The following DLG2 variants were observed in gnomAD, a reference collection of about 807,000 sequenced individuals.
DLG2 encodes discs large MAGUK scaffold protein 2.
Under a neutral mutation model 132.5 loss-of-function variants are expected in DLG2, and 45 were observed. The ratio of observed to expected loss-of-function variants is 0.34; its 90% CI spans 0.27 to 0.44. The LOEUF (loss-of-function observed/expected upper bound fraction) is 0.44, where lower values mean the gene tolerates loss of function less well. Among genes scored for constraint, DLG2 ranks in the 20% least tolerant of loss-of-function variants. The pLI, the probability that DLG2 is intolerant of heterozygous loss-of-function variation, is 1.00. For synonymous variants in DLG2, 424 were observed against 419.6 expected (o/e 1.01, Z -0.13); for missense variants, 1,045 against 1,196.9 (o/e 0.87, Z 1.87).
At chr11:84,711,424 C>A (rs897471072) in intron 6 of DLG2, among the ~76,000 whole-genome samples, 3 of 141,144 alleles carry the variant, frequency 2.1e-5, no homozygotes, top group East Asian at 2.2e-4. Flanking sequence ...CCCCCACCCC[C>A]CACACACATA....
chr11:84,742,627 C>T (rs6592196), intron 6 of DLG2, among the ~76,000 whole-genome samples: 93,393 of 152,034 alleles, frequency 0.61, 29,127 homozygotes, highest in Middle Eastern at 0.68. Flanking sequence ...TTTGCTACAA[C>T]TGATGAACCT....
At chr11:84,819,361 TGCATGTCA>T (rs1236983070) in intron 6 of DLG2, among the ~76,000 whole-genome samples, 2 of 151,928 alleles carry the variant, frequency 1.3e-5, no homozygotes, top group African/African-American at 4.8e-5. Flanking sequence ...GGACTTCCAG[TGCATGTCA>T]GCAGTGGTTT....
intron 6 of DLG2, among the ~76,000 whole-genome samples, chr11:84,759,386 A>T (rs1409266446): frequency 6.6e-6 from 1 of 152,210 alleles, no homozygotes; most frequent in African/African-American, 2.4e-5. Flanking sequence ...CTGCACTGGA[A>T]CTGTTAGCTT....
chr11:83,816,763 G>A (rs1049206134), intron 17 of DLG2, among the ~76,000 whole-genome samples: 2 of 152,072 alleles, frequency 1.3e-5, no homozygotes, highest in African/African-American at 2.4e-5. Context: ...GATGTTCAAC[G>A]TTTGCTTTCA....
chr11:84,535,841 T>C (rs554102442), intron 6 of DLG2, among the ~76,000 whole-genome samples: 5 of 152,258 alleles, frequency 3.3e-5, no homozygotes, highest in African/African-American at 1.2e-4. Flanking sequence ...CACAGGGATA[T>C]TGGGAACAGG....
chr11:84,663,664 C>T (rs1166558073), intron 6 of DLG2, among the ~76,000 whole-genome samples: 1 of 152,048 alleles, frequency 6.6e-6, no homozygotes, highest in Non-Finnish European at 1.5e-5. Flanking sequence ...TTATATATTA[C>T]CTTTCACTTT....
intron 6 of DLG2, among the ~76,000 whole-genome samples, chr11:85,026,271 C>T (rs1566677712): frequency 6.6e-6 from 1 of 151,840 alleles, no homozygotes; most frequent in Admixed American, 6.6e-5. Context: ...AAGTAAAGAA[C>T]ATATTAGAAA....
intron 3 of DLG2, among the ~76,000 whole-genome samples, chr11:85,353,141 G>GA (rs1367640216): frequency 6.6e-6 from 1 of 151,900 alleles, no homozygotes; most frequent in Non-Finnish European, 1.5e-5. Flanking sequence ...AAATTTACAA[G>GA]AAAAAAACAA....
intron 18 of DLG2, among the ~76,000 whole-genome samples, chr11:83,769,452 A>C (rs1341178841): frequency 6.6e-6 from 1 of 152,126 alleles, no homozygotes; most frequent in Admixed American, 6.6e-5. Flanking sequence ...CTGAGGGAGA[A>C]AGGCAACAAC....
chr11:83,753,853 CATATATATATTTCATAT>C (rs2093500338), intron 18 of DLG2, among the ~76,000 whole-genome samples: 1 of 8,924 alleles, frequency 1.1e-4, no homozygotes, highest in African/African-American at 3.4e-4. Context: ...TCATATATAT[CATATATATATTTCATAT>C]ATATGATATA....
intron 6 of DLG2, among the ~76,000 whole-genome samples, chr11:84,741,134 T>A (rs2064589126): frequency 7.2e-6 from 1 of 138,566 alleles, no homozygotes; most frequent in South Asian, 2.5e-4. Flanking sequence ...TGGCGCGATC[T>A]CCGCTCACTG....
intron 6 of DLG2, among the ~76,000 whole-genome samples, chr11:84,863,933 T>G (rs563653433): frequency 7.2e-5 from 11 of 152,272 alleles, no homozygotes; most frequent in African/African-American, 2.4e-4. Context: ...TTTGAGTTTT[T>G]AAAAAAATAC....
chr11:84,813,404 G>A (rs1483467707), intron 6 of DLG2, among the ~76,000 whole-genome samples: 1 of 152,106 alleles, frequency 6.6e-6, no homozygotes, highest in Non-Finnish European at 1.5e-5. Flanking sequence ...GTACAGAGAA[G>A]ATGATTAACA....
intron 6 of DLG2, among the ~76,000 whole-genome samples, chr11:84,918,374 G>A (rs923657585): frequency 1.4e-4 from 21 of 152,092 alleles, no homozygotes; most frequent in Non-Finnish European, 5.9e-5. Flanking sequence ...TAAAGCACTG[G>A]AGTTAGTGTG....
chr11:85,510,321 A>C (rs541368593), intron 3 of DLG2, among the ~76,000 whole-genome samples: 1 of 152,222 alleles, frequency 6.6e-6, no homozygotes, highest in Admixed American at 6.5e-5. Flanking sequence ...CAAGGACTTC[A>C]TGTACAAAAC....
chr11:83,752,064 C>G (rs950527764), intron 18 of DLG2, among the ~76,000 whole-genome samples: 1 of 152,080 alleles, frequency 6.6e-6, no homozygotes, highest in Non-Finnish European at 1.5e-5. Context: ...GTCAGGAGAT[C>G]GAGACCATCC....
intron 7 of DLG2, among the ~76,000 whole-genome samples, chr11:84,262,322 A>C (rs969201245): frequency 4.6e-5 from 7 of 152,124 alleles, no homozygotes; most frequent in African/African-American, 1.7e-4. Context: ...ATTTCAGGAG[A>C]AGTTAGGTGG....
intron 8 of DLG2, among the ~76,000 whole-genome samples, chr11:84,210,062 C>T (rs564509706): frequency 6.7e-4 from 102 of 152,004 alleles, no homozygotes; most frequent in Non-Finnish European, 1.2e-3. Flanking sequence ...GCGGGAAGAA[C>T]ATCTGAGGTC....
At chr11:83,990,543 G>T (rs926873818) in intron 11 of DLG2, among the ~76,000 whole-genome samples, 9 of 152,144 alleles carry the variant, frequency 5.9e-5, no homozygotes, top group African/African-American at 1.9e-4. Flanking sequence ...GAGAGGTGGG[G>T]CCTGAAGCAG....
Sources: gnomAD v4.1 joint callset for allele counts (sites outside exome capture counted in the v4.1 genomes callset) on GRCh38, gnomAD v4.1.1 for gene constraint, MANE v1.5 for transcripts, NCBI Gene and HGNC (gene_info 2026-07-23, HGNC 2026-07-21) for gene names.